AGBL4: variants seen among roughly 807,000 people sequenced by gnomAD.
The protein encoded by AGBL4 is cytosolic carboxypeptidase 6.
In AGBL4, 58 loss-of-function variants were observed where a neutral mutation model predicts 66.4. The observed-to-expected ratio is 0.87, with a 90% confidence interval of 0.71 to 1.09. The LOEUF (loss-of-function observed/expected upper bound fraction) is 1.09, where lower values mean the gene tolerates loss of function less well. Ranked by LOEUF, AGBL4 falls within the 50% of genes least tolerant of loss-of-function variation. The pLI is 0.00. For synonymous variants in AGBL4, 234 were observed against 222.9 expected, an observed-to-expected ratio of 1.05 and a Z score of -0.44; for missense variants, 579 against 631.0, an observed-to-expected ratio of 0.92 and a Z score of 0.88.
Position 48,634,604 on chromosome 1 carries a change from C to T in AGBL4, c.840G>A (p.Arg280=). 2 of 1,590,596 alleles carry T rather than the reference C, an allele frequency of 1.3e-6. No homozygotes were observed. The highest frequency in any genetic ancestry group is 1.2e-5 in the South Asian group (1 of 86,772). Residue 280 remains arginine (R), a splice_region_variant and synonymous_variant, in exon 9 of 14, where the codon AGG becomes AGA. Transcript: ENST00000371839. ...NPDGVYLGNY[R]CSLMGFDLNR... is the part of the protein sequence containing the mutation. ...TCAGATCAAATCCCATCAGAGAACA[C>T]CTAGGCAGTACCCAAAGTAAGAGTC...
chr1:49,477,160 G>A (rs1164702967), intron 3 of AGBL4, among the ~76,000 whole-genome samples: 1 of 152,060 alleles, frequency 6.6e-6, no homozygotes, highest in Admixed American at 6.5e-5. Flanking sequence ...CTGAAGGGAA[G>A]GATATAAACT....
chr1:48,557,629 C>A (rs1054135410), intron 11 of AGBL4, among the ~76,000 whole-genome samples: 1 of 152,162 alleles, frequency 6.6e-6, no homozygotes, highest in Non-Finnish European at 1.5e-5. Flanking sequence ...CTCTAGCCCC[C>A]TTCTGGGTGG....
intron 11 of AGBL4, among the ~76,000 whole-genome samples, chr1:48,553,099 G>A (rs1414968169): frequency 6.6e-6 from 1 of 152,042 alleles, no homozygotes; most frequent in Non-Finnish European, 1.5e-5. Context: ...CTTGCCTCAT[G>A]GCTTCCTCAT....
At chr1:48,679,949 C>T (rs1646429017) in intron 6 of AGBL4, among the ~76,000 whole-genome samples, 1 of 152,254 alleles carries the variant, frequency 6.6e-6, no homozygotes. Flanking sequence ...TCTCCTGTGC[C>T]ATGGCCACCT....
In AGBL4 at chr1:49,661,223, T is replaced by G. The variant is rs148433003; in HGVS notation, c.282+36090A>C. 2.3e-4 allele frequency among the ~76,000 whole-genome samples: 35 copies of G among 152,150 alleles called. No individual in the cohort carries two copies. The East Asian group carries it at 5.6e-3, about 24-fold the overall frequency. On this transcript the variant is annotated intron_variant, in intron 3 of 13. Transcript: ENST00000371839. Reference sequence around the variant, plus strand: ...AACTAGTCATTAGGAAAATGCAGATTAAAACCCCAGAGAGATACCACTACA... The same window carrying G: ...AACTAGTCATTAGGAAAATGCAGATGAAAACCCCAGAGAGATACCACTACA...
chr1:48,916,304 C>T (rs1217478672), intron 5 of AGBL4, among the ~76,000 whole-genome samples: 2 of 152,162 alleles, frequency 1.3e-5, no homozygotes, highest in Non-Finnish European at 2.9e-5. Context: ...CTGGCTCCAT[C>T]TAGTGTCCTA....
chr1:49,862,616 A>G (rs891262230), intron 1 of AGBL4, among the ~76,000 whole-genome samples: 1 of 152,186 alleles, frequency 6.6e-6, no homozygotes, highest in African/African-American at 2.4e-5. Flanking sequence ...CTAAAGATCA[A>G]GCATAAAGAA....
At chr1:49,045,321 A>G (rs574650583) in intron 5 of AGBL4, among the ~76,000 whole-genome samples, 168 of 152,338 alleles carry the variant, frequency 1.1e-3, no homozygotes, top group African/African-American at 3.9e-3. Context: ...AGCTTCATTC[A>G]GAAAAACAAC....
chr1:49,111,391 C>T (rs954129576), intron 4 of AGBL4, among the ~76,000 whole-genome samples: 47 of 152,226 alleles, frequency 3.1e-4, no homozygotes, highest in African/African-American at 1.1e-3. Context: ...GGATTACAGG[C>T]ATGAGCCACC....
intron 1 of AGBL4, among the ~76,000 whole-genome samples, chr1:50,022,614 CCACACACACACACACACACACA>C (rs10588611): frequency 1.5e-4 from 21 of 141,302 alleles, no homozygotes; most frequent in South Asian, 2.4e-4. Context: ...TGTACCATAA[CCACACACACACACACACACACA>C]CACACACACA....
intron 1 of AGBL4, among the ~76,000 whole-genome samples, chr1:49,927,732 A>G (rs1468346275): frequency 6.6e-6 from 1 of 152,210 alleles, no homozygotes; most frequent in African/African-American, 2.4e-5. Flanking sequence ...TCTAGAAAAT[A>G]GCGTCAACAG....
In AGBL4 at chr1:48,562,865, G is replaced by A. The variant is rs12089596; in HGVS notation, c.1268-23127C>T. Among the ~76,000 whole-genome samples the A allele has an allele frequency of 6.8e-4, 104 of 152,294 alleles. 2 individuals carry two copies. The East Asian group carries it at 0.018, about 26-fold the overall frequency. ...GTGTAAAATGTTAACTGTGTGCCAG[G>A]TACCATGCTAGACACTGGGATGCAA... On this transcript the variant is annotated intron_variant, in intron 11 of 13. Coordinates refer to ENST00000371839, the MANE Select transcript of AGBL4 (RefSeq NM_032785.4).
intron 4 of AGBL4, among the ~76,000 whole-genome samples, chr1:49,239,541 AT>A (rs1395029587): frequency 6.6e-6 from 1 of 152,190 alleles, no homozygotes; most frequent in Non-Finnish European, 1.5e-5. Flanking sequence ...TTAGAGAAAA[AT>A]ATTAAAATTG....
intron 11 of AGBL4, among the ~76,000 whole-genome samples, chr1:48,540,688 A>T (rs896680637): frequency 6.6e-6 from 1 of 152,166 alleles, no homozygotes; most frequent in African/African-American, 2.4e-5. Context: ...TACTCAGCTT[A>T]ATCCTTAGCG....
intron 5 of AGBL4, among the ~76,000 whole-genome samples, chr1:48,983,899 G>C (rs1278438288): frequency 6.6e-6 from 1 of 152,134 alleles, no homozygotes; most frequent in Admixed American, 6.6e-5. Flanking sequence ...GAATGAGGAA[G>C]AGAGAGAAGC....
intron 4 of AGBL4, among the ~76,000 whole-genome samples, chr1:49,203,175 C>T (rs1647856687): frequency 6.6e-6 from 1 of 151,110 alleles, no homozygotes; most frequent in African/African-American, 2.4e-5. Context: ...GTTGGTGGGA[C>T]TGTAAAATGA....
chr1:49,653,624 T>C (rs1435191057), intron 3 of AGBL4, among the ~76,000 whole-genome samples: 2 of 151,414 alleles, frequency 1.3e-5, no homozygotes, highest in African/African-American at 4.9e-5. Context: ...TAGAGATGAA[T>C]ATAACTGACC....
chr1:49,009,397 AC>A (rs1662181083), intron 5 of AGBL4, among the ~76,000 whole-genome samples: 1 of 150,180 alleles, frequency 6.7e-6, no homozygotes, highest in African/African-American at 2.4e-5. Context: ...TAGCTTACCA[AC>A]CAAAAAGAGT....
intron 4 of AGBL4, among the ~76,000 whole-genome samples, chr1:49,242,268 C>A (rs760611763): frequency 1.1e-4 from 17 of 151,930 alleles, no homozygotes; most frequent in Non-Finnish European, 2.1e-4. Flanking sequence ...TAAATGGAAG[C>A]CATCTCTAAC....
Sources: gnomAD v4.1 joint callset for allele counts (sites outside exome capture counted in the v4.1 genomes callset) on GRCh38, gnomAD v4.1.1 for gene constraint, MANE v1.5 for transcripts, NCBI Gene and HGNC (gene_info 2026-07-23, HGNC 2026-07-21) for gene names.